The following SYT10 variants were observed in gnomAD, a reference collection of about 807,000 sequenced individuals.
SYT10 encodes the protein synaptotagmin-10.
SYT10 carries 31 observed loss-of-function variants against 51.1 expected under a neutral mutation model. The observed-to-expected ratio is 0.61, with a 90% CI of 0.46 to 0.82. The LOEUF is 0.82. SYT10 is among the 40% of genes least tolerant of loss of function. SYT10 has a pLI of 0.00. For synonymous variants in SYT10, 233 were observed against 225.9 expected, an observed-to-expected ratio of 1.03 and a Z score of -0.28; for missense variants, 603 against 634.0, an observed-to-expected ratio of 0.95 and a Z score of 0.53.
chr12:33,422,156 A>T (rs1165990454), intron 2 of SYT10, among the ~76,000 whole-genome samples: 4 of 152,178 alleles, frequency 2.6e-5, no homozygotes, highest in East Asian at 3.8e-4. Flanking sequence ...CTAAGAAAGC[A>T]GCATAGAACT....
chr12:33,396,158 A>G (rs1488542647), intron 3 of SYT10, among the ~76,000 whole-genome samples: 1 of 152,208 alleles, frequency 6.6e-6, no homozygotes, highest in Non-Finnish European at 1.5e-5. Flanking sequence ...CTTTTAAGGT[A>G]GTATGAAAAG....
chr12:33,390,404 A>C (rs866092289), intron 3 of SYT10, among the ~76,000 whole-genome samples: 23 of 152,108 alleles, frequency 1.5e-4, no homozygotes, highest in African/African-American at 5.6e-4. Flanking sequence ...TAAAATTCTC[A>C]AGAGGATTAT....
chr12:33,390,921 C>T lies in SYT10; in HGVS notation c.1078-5630G>A, dbSNP rs1331536880. ...CACAGGTCTGCATAATGTTAAATTA[C>T]GTTTTTTTTTGTTGTTGTTGTTGTT... On this transcript the variant is annotated intron_variant, in intron 3 of 6. Transcript: ENST00000228567. 5.3e-5 allele frequency among the ~76,000 whole-genome samples: 8 copies of T among 151,780 alleles called. 1 individual carries two copies. The highest frequency in any genetic ancestry group is 4.2e-4 in the South Asian group (2 of 4,744).
At chr12:33,418,352 C>A (rs1369521809) in intron 2 of SYT10, among the ~76,000 whole-genome samples, 3 of 152,126 alleles carry the variant, frequency 2.0e-5, no homozygotes. Flanking sequence ...GAAATTTATC[C>A]TTTTTCTTCT....
intron 1 of SYT10, among the ~76,000 whole-genome samples, chr12:33,428,889 G>A (rs1866574527): frequency 1.4e-5 from 2 of 144,682 alleles, no homozygotes; most frequent in Non-Finnish European, 3.0e-5. Flanking sequence ...CTGGGTGACA[G>A]AGTGAGACTC....
intron 2 of SYT10, among the ~76,000 whole-genome samples, chr12:33,422,120 A>T (rs1309850327): frequency 6.6e-6 from 1 of 152,170 alleles, no homozygotes; most frequent in Non-Finnish European, 1.5e-5. Context: ...AAAGCAATAT[A>T]GAAGTGAATA....
At chr12:33,434,927 C>T (rs1470223499) in intron 1 of SYT10, among the ~76,000 whole-genome samples, 1 of 152,168 alleles carries the variant, frequency 6.6e-6, no homozygotes, top group East Asian at 1.9e-4. Flanking sequence ...ATGCTATTGA[C>T]TTAATGTGTA....
chr12:33,377,675 TG>T (rs1318937013), intron 6 of SYT10, among the ~76,000 whole-genome samples: 1 of 146,490 alleles, frequency 6.8e-6, no homozygotes, highest in African/African-American at 2.5e-5. Flanking sequence ...TTGCCCAGGC[TG>T]GAGTGTAGTG....
intron 2 of SYT10, 95 bp from the exon 3 acceptor site, chr12:33,407,451 T>G: frequency 7.7e-7 from 1 of 1,300,996 alleles, no homozygotes; most frequent in Non-Finnish European, 1.1e-6. Context: ...ACCCCCAGAA[T>G]AGTGAAAAGA....
chr12:33,407,010 G>A lies in SYT10; in HGVS notation c.856C>T (p.Arg286Cys), dbSNP rs541132224. ...LPDRKKKFQT[R>C]VHRKTLNPLF... ...GGATTTAAAGTCTTTCTGTGCACGC[G>A]GGTCTGAAATTTCTTTTTCCTATCT... The change falls in exon 3 of 7, where the codon CGC becomes TGC. Residue 286 changes from arginine (R) to cysteine (C), a missense_variant. Coordinates refer to ENST00000228567, the MANE Select transcript of SYT10 (RefSeq NM_198992.4). 8.1e-6 allele frequency: 13 copies of A among 1,613,928 alleles called. No homozygotes were observed. The highest frequency in any genetic ancestry group is 2.2e-5 in the South Asian group (2 of 91,078).
At chr12:33,418,313 C>T (rs1330521701) in intron 2 of SYT10, among the ~76,000 whole-genome samples, 1 of 152,154 alleles carries the variant, frequency 6.6e-6, no homozygotes, top group Non-Finnish European at 1.5e-5. Context: ...TCTCAGTCCA[C>T]TTGGCTGTTC....
intron 3 of SYT10, among the ~76,000 whole-genome samples, chr12:33,398,913 G>A (rs1293237540): frequency 6.6e-6 from 1 of 152,196 alleles, no homozygotes; most frequent in African/African-American, 2.4e-5. Context: ...ACAGAGATAA[G>A]TGACACAGCA....
At chr12:33,389,150 T>C (rs749125091) in intron 3 of SYT10, among the ~76,000 whole-genome samples, 1 of 152,116 alleles carries the variant, frequency 6.6e-6, no homozygotes, top group Non-Finnish European at 1.5e-5. Context: ...TTGAGAAATA[T>C]GGAGTTTGGA....
At chr12:33,377,327 C>G (rs561845138) in intron 6 of SYT10, among the ~76,000 whole-genome samples, 2 of 152,014 alleles carry the variant, frequency 1.3e-5, no homozygotes, top group Admixed American at 1.3e-4. Flanking sequence ...CGCCCGCCAC[C>G]ACGCCCGGCT....
intron 2 of SYT10, among the ~76,000 whole-genome samples, chr12:33,418,035 G>A (rs1866470122): frequency 6.6e-6 from 1 of 152,158 alleles, no homozygotes; most frequent in East Asian, 1.9e-4. Context: ...CTCTTTGAAA[G>A]AGTTGAGGAC....
chr12:33,424,842 T>C (rs1053555224), intron 2 of SYT10, among the ~76,000 whole-genome samples: 19 of 152,010 alleles, frequency 1.2e-4, no homozygotes, highest in African/African-American at 4.6e-4. Flanking sequence ...TGAGCCTAAA[T>C]GTCATTGCTC....
Position 33,403,078 on chromosome 12 carries a change from A to G in SYT10, c.1077+3711T>C, listed in dbSNP as rs190079095. On this transcript the variant is annotated intron_variant, in intron 3 of 6. Transcript: ENST00000228567. ...CCCAGTAAATTTTGGTCTAAATTAC[A>G]TTGGAGATTTGCAATTATACAAAGG... Among the ~76,000 whole-genome samples the G allele has an allele frequency of 1.8e-4, 27 of 152,286 alleles. No individual in the cohort carries two copies. The East Asian group carries it at 5.0e-3, about 28-fold the overall frequency.
At chr12:33,413,036 G>C (rs950674821) in intron 2 of SYT10, among the ~76,000 whole-genome samples, 1 of 152,198 alleles carries the variant, frequency 6.6e-6, no homozygotes, top group Non-Finnish European at 1.5e-5. Context: ...CGTGACAAAT[G>C]CACAAGCTTC....
chr12:33,380,141 A>G (rs560320886), intron 5 of SYT10, among the ~76,000 whole-genome samples, 180 bp from the exon 6 acceptor site: 19 of 152,352 alleles, frequency 1.2e-4, no homozygotes, highest in African/African-American at 4.6e-4. Flanking sequence ...AACAGTATCA[A>G]CATTCAAAAA....
Sources: allele counts gnomAD v4.1 joint callset (sites outside exome capture counted in the v4.1 genomes callset), GRCh38; gene constraint gnomAD v4.1.1; transcripts MANE v1.5; gene names NCBI Gene and HGNC (gene_info 2026-07-23, HGNC 2026-07-21).